Variants in GJA3 observed in about 807,000 individuals in gnomAD.
GJA3 encodes the protein gap junction protein alpha 3, also known as gap junction alpha-3 protein.
For synonymous variants in GJA3, 297 were observed against 292.6 expected, an observed-to-expected ratio of 1.02 and a Z score of -0.15; for missense variants, 571 against 620.3, an observed-to-expected ratio of 0.92 and a Z score of 0.84.
At chr13:20,156,974 T>A (rs142588394) in intron 1 of GJA3, among the ~76,000 whole-genome samples, 1 of 152,220 alleles carries the variant, frequency 6.6e-6, no homozygotes, top group Non-Finnish European at 1.5e-5. Flanking sequence ...GCCCTCTGGT[T>A]TCTTCTGCCA....
At chr13:20,148,779 C>T (rs577449929) in intron 1 of GJA3, among the ~76,000 whole-genome samples, 7 of 152,354 alleles carry the variant, frequency 4.6e-5, no homozygotes, top group African/African-American at 1.4e-4. Flanking sequence ...TCATCACCCA[C>T]GGGGAGGCCC....
chr13:20,140,125 A>G lies in GJA3; in HGVS notation c.*1856T>C, dbSNP rs562629019. 6.6e-6 allele frequency: 1 copy of G among 152,278 alleles called. No homozygotes were observed. Among genetic ancestry groups the G allele is most frequent in the African/African-American group, 2.4e-5 (1 of 41,550 alleles). The allele number at this position is 152,278 out of a possible 1,614,324, so 9.4% of individuals were successfully genotyped here. On this transcript the variant is annotated 3_prime_UTR_variant, in exon 2 of 2. Coordinates refer to ENST00000241125, the MANE Select transcript of GJA3 (RefSeq NM_021954.4). ...TTATGCATCTAGAATGGCTGTAGTTATGCACCAGCCTGGAGAGGAGTGAGA... is the reference window on the plus strand; with the variant it reads ...TTATGCATCTAGAATGGCTGTAGTTGTGCACCAGCCTGGAGAGGAGTGAGA...
At chr13:20,157,168 A>G (rs1333787919) in intron 1 of GJA3, among the ~76,000 whole-genome samples, 1 of 152,238 alleles carries the variant, frequency 6.6e-6, no homozygotes. Flanking sequence ...TCCTTAAGGT[A>G]AAATTGAACT....
chr13:20,156,300 CATTTT>C (rs535550217), intron 1 of GJA3, among the ~76,000 whole-genome samples: 8 of 151,892 alleles, frequency 5.3e-5, no homozygotes, highest in South Asian at 2.1e-4. Context: ...TTAGTGAGGG[CATTTT>C]ATTTTATTTT....
rs199553149 is a variant in GJA3 at position 20,139,075 on chromosome 13, C to A, written c.*2906G>T. On this transcript the variant is annotated 3_prime_UTR_variant, in exon 2 of 2. Transcript: ENST00000241125. ...TGTAAATTTAAGGATTTATTCGTGT[C>A]AATTTTATTAAAAAATACAAGAATA... is the stretch of plus-strand genomic sequence containing the variant. 2.0e-5 allele frequency: 3 copies of A among 151,814 alleles called. No individual in the cohort carries two copies. The highest frequency in any genetic ancestry group is 4.2e-4 in the South Asian group (2 of 4,792). 9.4% of individuals were successfully genotyped at this position (151,814 alleles called of 1,614,324 possible).
intron 1 of GJA3, among the ~76,000 whole-genome samples, chr13:20,148,821 C>T (rs768205216): frequency 1.3e-5 from 2 of 152,176 alleles, no homozygotes; most frequent in Non-Finnish European, 2.9e-5. Flanking sequence ...GCAAGGTGCA[C>T]GCGACCTAAT....
rs576742804 is a variant in GJA3, at chr13:20,150,325, G to A, written c.-17-7020C>T. 3.9e-5 allele frequency among the ~76,000 whole-genome samples: 6 copies of A among 151,916 alleles called. No homozygotes were observed. The South Asian group carries it at 6.2e-4, about 16-fold the overall frequency. On this transcript the variant is annotated intron_variant, in intron 1 of 1. Transcript: ENST00000241125. The stretch of plus-strand genomic sequence containing the variant: ...AGCTTCCCCTTTCAGGCAGGACCAC[G>A]GAGCAAAGAACAGAGATGAAGAGGG...
At chr13:20,156,677 C>A (rs1453142393) in intron 1 of GJA3, among the ~76,000 whole-genome samples, 2 of 152,146 alleles carry the variant, frequency 1.3e-5, no homozygotes, top group African/African-American at 4.8e-5. Context: ...AAATTGTCTT[C>A]AATATTTTAT....
At chr13:20,151,563 G>A (rs1171792445) in intron 1 of GJA3, among the ~76,000 whole-genome samples, 1 of 152,200 alleles carries the variant, frequency 6.6e-6, no homozygotes, top group Non-Finnish European at 1.5e-5. Flanking sequence ...AGGAGCATCA[G>A]TGGGGGTGCA....
chr13:20,149,036 C>T (rs1958861050), intron 1 of GJA3, among the ~76,000 whole-genome samples: 1 of 152,336 alleles, frequency 6.6e-6, no homozygotes, highest in Admixed American at 6.5e-5. Context: ...TATGACGCTG[C>T]TTTCATAGTC....
At position 20,138,598 on chromosome 13, in the gene GJA3, T is replaced by G. The variant is rs1958789808; in HGVS notation, c.*3383A>C. The G allele has an allele frequency of 7.0e-6, 1 of 142,476 alleles. No homozygotes were observed. 8.8% of individuals were successfully genotyped at this position (142,476 alleles called of 1,614,324 possible). On this transcript the variant is annotated 3_prime_UTR_variant, in exon 2 of 2. Coordinates refer to ENST00000241125, the MANE Select transcript of GJA3 (RefSeq NM_021954.4). Reference sequence around the variant, plus strand: ...AGGAAGAAAAGTGCCTTCCCTGACCTTAAATGTACAATGTCCATATGCTAT... The same window carrying G: ...AGGAAGAAAAGTGCCTTCCCTGACCGTAAATGTACAATGTCCATATGCTAT...
intron 1 of GJA3, among the ~76,000 whole-genome samples, chr13:20,153,194 A>AACCT (rs35224886): frequency 0.23 from 35,572 of 152,084 alleles, 5,368 homozygotes; most frequent in Non-Finnish European, 0.34. Context: ...ATTCAAAACA[A>AACCT]ACCTGTCAAA....
chr13:20,141,668 A>T lies in GJA3; in HGVS notation c.*313T>A. The stretch of plus-strand genomic sequence containing the variant: ...ACCTGTTGCTTTACCACTACAGAAC[A>T]GTTACCCCCAGAGACAGCCCTCAGC... On this transcript the variant is annotated 3_prime_UTR_variant, in exon 2 of 2. Transcript: ENST00000241125. 2.5e-6 allele frequency: 1 copy of T among 401,330 alleles called. No individual in the cohort carries two copies. The highest frequency in any genetic ancestry group is 4.4e-6 in the Non-Finnish European group (1 of 225,528). The allele number at this position is 401,330 out of a possible 1,614,324, so 24.9% of individuals were successfully genotyped here. A position where few individuals can be genotyped will look rare whatever the true frequency, so the allele number is the denominator to read the frequency against.
At chr13:20,147,034 G>A (rs1276419552) in intron 1 of GJA3, among the ~76,000 whole-genome samples, 2 of 152,228 alleles carry the variant, frequency 1.3e-5, no homozygotes, top group African/African-American at 2.4e-5. Flanking sequence ...AGGCAGTTCT[G>A]TCCAGTGAGT....
In GJA3 at chr13:20,142,264, G is replaced by T; in HGVS notation, c.1025C>A (p.Ala342Asp). ...AAERQPPALK[A>D]YPAASTPAAP... ...TGCAGGCGTGGACGCTGCCGGGTAA[G>T]CCTTGAGCGCCGGGGGCTGCCGCTC... Residue 342 changes from alanine to aspartate, a missense_variant, in exon 2 of 2, where the codon GCT becomes GAT. Ala to Asp is a moderately radical substitution (Grantham distance 126). Transcript: ENST00000241125. The T allele has an allele frequency of 7.1e-6, 11 of 1,558,010 alleles. No homozygotes were observed. The highest frequency in any genetic ancestry group is 9.5e-6 in the Non-Finnish European group (11 of 1,155,450).
intron 1 of GJA3, among the ~76,000 whole-genome samples, chr13:20,157,135 T>C (rs1017465739): frequency 1.3e-5 from 2 of 152,190 alleles, no homozygotes; most frequent in African/African-American, 4.8e-5. Context: ...GTTTTAAAAA[T>C]TGAATAATGA....
At position 20,142,118 on chromosome 13, in the gene GJA3, G is replaced by T; in HGVS notation, c.1171C>A (p.Pro391Thr). ...SLEGSALAGTPEEEEQAVTTA... is the reference protein window; with the variant it reads ...SLEGSALAGTTEEEEQAVTTA... Reference sequence around the variant, plus strand: ...GTCACGGCCTGCTCCTCCTCCTCGGGGGTCCCTGCCAGGGCGCTCCCCTCC... The same window carrying T: ...GTCACGGCCTGCTCCTCCTCCTCGGTGGTCCCTGCCAGGGCGCTCCCCTCC... The change falls in exon 2 of 2, where the codon CCC becomes ACC. Residue 391 changes from proline to threonine, a missense_variant. Coordinates refer to ENST00000241125, the MANE Select transcript of GJA3 (RefSeq NM_021954.4). 1 of 1,545,594 alleles carries T rather than the reference G, an allele frequency of 6.5e-7. No individual in the cohort carries two copies. The highest frequency in any genetic ancestry group is 8.7e-7 in the Non-Finnish European group (1 of 1,145,442).
rs538149082 is a variant in GJA3, at chr13:20,142,366, T to C, written c.923A>G (p.Lys308Arg). The change falls in exon 2 of 2, where the codon AAG becomes AGG. Residue 308 changes from lysine to arginine, a missense_variant. Lys to Arg is a conservative substitution (Grantham distance 26). Coordinates refer to ENST00000241125, the MANE Select transcript of GJA3 (RefSeq NM_021954.4). ...KLLALTEARG[K>R]GQSAKLYNGH... ...GTTGTAGAGCTTGGCGGACTGGCCC[T>C]TTCCGCGCGCCTCGGTCAGGGCTAG... The C allele has an allele frequency of 1.5e-5, 23 of 1,533,976 alleles. No individual in the cohort carries two copies. The South Asian group carries it at 2.5e-4, about 16-fold the overall frequency.
Position 20,141,297 on chromosome 13 carries a change from G to C in GJA3, c.*684C>G, listed in dbSNP as rs1042185729. ...TTTAAAAATGGCCTCAGGCGTGGCT[G>C]CGTTTCCACCTGCCTTCTGCCAGCA... On this transcript the variant is annotated 3_prime_UTR_variant, in exon 2 of 2. Coordinates refer to ENST00000241125, the MANE Select transcript of GJA3 (RefSeq NM_021954.4). 2.6e-5 allele frequency: 4 copies of C among 152,328 alleles called. No individual in the cohort carries two copies. The highest frequency in any genetic ancestry group is 4.4e-5 in the Non-Finnish European group (3 of 68,052). The allele number at this position is 152,328 out of a possible 1,614,324, so 9.4% of individuals were successfully genotyped here. A position where few individuals can be genotyped will look rare whatever the true frequency, so the allele number is the denominator to read the frequency against.
Sources: gnomAD v4.1 joint callset for allele counts (sites outside exome capture counted in the v4.1 genomes callset) on GRCh38, gnomAD v4.1.1 for gene constraint, MANE v1.5 for transcripts, NCBI Gene and HGNC (gene_info 2026-07-23, HGNC 2026-07-21) for gene names.